KIRREL3: variants seen among roughly 807,000 people sequenced by gnomAD.
KIRREL3 encodes kin of IRRE-like protein 3.
Under a neutral mutation model 89.7 loss-of-function variants are expected in KIRREL3, and 36 were observed. That is an observed-to-expected ratio of 0.40 (90% CI 0.31 to 0.53). KIRREL3 has a LOEUF of 0.53. KIRREL3 is among the 20% of genes least tolerant of loss of function. The pLI, the probability that KIRREL3 is intolerant of heterozygous loss-of-function variation, is 0.49. For synonymous variants in KIRREL3, 445 were observed against 441.4 expected, an observed-to-expected ratio of 1.01 and a Z score of -0.10; for missense variants, 864 against 1,056.6, an observed-to-expected ratio of 0.82 and a Z score of 2.53.
intron 1 of KIRREL3, among the ~76,000 whole-genome samples, chr11:126,637,194 G>T (rs1279011599): frequency 6.6e-6 from 1 of 152,198 alleles, no homozygotes. Context: ...ATTTTTGGAG[G>T]TGGAGAATGG....
chr11:126,871,858 C>T (rs141523176), intron 1 of KIRREL3, among the ~76,000 whole-genome samples: 100 of 152,278 alleles, frequency 6.6e-4, no homozygotes, highest in Middle Eastern at 6.8e-3. Flanking sequence ...CACCAGTGAA[C>T]AAAGAAACCC....
chr11:126,446,148 C>CAA (rs56820180), intron 9 of KIRREL3, among the ~76,000 whole-genome samples: 13,721 of 83,018 alleles, frequency 0.17, 956 homozygotes, highest in Middle Eastern at 0.24. Context: ...AACTCCATCT[C>CAA]AAAAAAAAAA....
intron 4 of KIRREL3, among the ~76,000 whole-genome samples, chr11:126,483,164 G>C (rs1034421682): frequency 2.6e-5 from 4 of 152,204 alleles, no homozygotes; most frequent in Non-Finnish European, 5.9e-5. Context: ...AACTCAAAGA[G>C]GAATGCAGGC....
In KIRREL3 at chr11:126,897,595, A is replaced by G. The variant is rs1447899160; in HGVS notation, c.55+102860T>C. On this transcript the variant is annotated intron_variant, in intron 1 of 16. Coordinates refer to ENST00000525144, the MANE Select transcript of KIRREL3 (RefSeq NM_032531.4). The surrounding 1 kb of genome is among the most constrained non-coding windows in gnomAD (Gnocchi z 4.2). ...TTTGTATATAGCAGACCATTAGGGT[A>G]TTTTTATTTCTCTTCTCTCCATGTT... Among the ~76,000 whole-genome samples the G allele has an allele frequency of 6.6e-6, 1 of 152,148 alleles. No individual in the cohort carries two copies. The highest frequency in any genetic ancestry group is 1.5e-5 in the Non-Finnish European group (1 of 68,020).
At chr11:126,592,498 T>C (rs1239588435) in intron 1 of KIRREL3, among the ~76,000 whole-genome samples, 5 of 152,202 alleles carry the variant, frequency 3.3e-5, no homozygotes, top group Non-Finnish European at 5.9e-5. Context: ...CTCTTTCTCC[T>C]ACACCCTGTA....
intron 4 of KIRREL3, among the ~76,000 whole-genome samples, chr11:126,511,363 C>G (rs1958214480): frequency 6.6e-6 from 1 of 152,050 alleles, no homozygotes; most frequent in South Asian, 2.1e-4. Flanking sequence ...AGTGGACCCC[C>G]CAGGCTGCCT....
At chr11:126,767,823 A>C (rs1949876704) in intron 1 of KIRREL3, among the ~76,000 whole-genome samples, 1 of 152,328 alleles carries the variant, frequency 6.6e-6, no homozygotes, top group South Asian at 2.1e-4. Flanking sequence ...TCGCTGCAAG[A>C]ATTTGTTAAT....
At chr11:126,626,936 G>A (rs895279226) in intron 1 of KIRREL3, among the ~76,000 whole-genome samples, 9 of 152,062 alleles carry the variant, frequency 5.9e-5, no homozygotes, top group Non-Finnish European at 1.2e-4. Flanking sequence ...TGAACCCAGT[G>A]GGGCGGAGGT....
chr11:126,784,325 T>C (rs1712212667), intron 1 of KIRREL3, among the ~76,000 whole-genome samples: 1 of 152,240 alleles, frequency 6.6e-6, no homozygotes, highest in Non-Finnish European at 1.5e-5. Context: ...GTGGGGTATA[T>C]GGGAACCCTC....
At chr11:126,688,487 G>C (rs1433423101) in intron 1 of KIRREL3, among the ~76,000 whole-genome samples, 1 of 151,930 alleles carries the variant, frequency 6.6e-6, no homozygotes, top group Non-Finnish European at 1.5e-5. Context: ...TTTTTTTCTA[G>C]GAGCTAAACG....
chr11:126,593,271 A>G (rs1456054160), intron 1 of KIRREL3, among the ~76,000 whole-genome samples: 1 of 152,216 alleles, frequency 6.6e-6, no homozygotes. Context: ...GCGCTCAGCC[A>G]TTGTTAACTG....
chr11:126,754,181 G>C lies in KIRREL3; in HGVS notation c.56-191269C>G, dbSNP rs1406188875. Among the ~76,000 whole-genome samples, 1 of 152,158 alleles carries C rather than the reference G, an allele frequency of 6.6e-6. No individual in the cohort carries two copies. The highest frequency in any genetic ancestry group is 2.4e-5 in the African/African-American group (1 of 41,440). ...ACTGTAGAATAATCCCCAAGGGAGA[G>C]CATATTTCATTTGCAATGTCTTTTG... On this transcript the variant is annotated intron_variant, in intron 1 of 16. Coordinates refer to ENST00000525144, the MANE Select transcript of KIRREL3 (RefSeq NM_032531.4). This position sits in a 1 kb window ranked among gnomAD's most constrained non-coding sequence, Gnocchi z 5.1.
chr11:126,743,706 C>A (rs1949051727), intron 1 of KIRREL3, among the ~76,000 whole-genome samples: 1 of 152,152 alleles, frequency 6.6e-6, no homozygotes, highest in Non-Finnish European at 1.5e-5. Context: ...GATCTCATCT[C>A]TAATATGGGG....
chr11:126,982,257 T>C (rs141029732), intron 1 of KIRREL3, among the ~76,000 whole-genome samples: 4 of 152,298 alleles, frequency 2.6e-5, no homozygotes, highest in Non-Finnish European at 4.4e-5. Context: ...CTTGTTAAGG[T>C]AGAGCTGTCA....
At chr11:126,435,576 A>C (rs756633050) in intron 12 of KIRREL3, among the ~76,000 whole-genome samples, 8 of 136,318 alleles carry the variant, frequency 5.9e-5, no homozygotes, top group African/African-American at 2.2e-4. Context: ...GGGCATGGGG[A>C]TGGGGGCACC....
Position 126,477,583 on chromosome 11 carries a change from C to G in KIRREL3, c.434-4117G>C, listed in dbSNP as rs1957101615. Among the ~76,000 whole-genome samples, 1 of 152,214 alleles carries G rather than the reference C, an allele frequency of 6.6e-6. No homozygotes were observed. The highest frequency in any genetic ancestry group is 2.4e-5 in the African/African-American group (1 of 41,454). On this transcript the variant is annotated intron_variant, in intron 4 of 16. Coordinates refer to ENST00000525144, the MANE Select transcript of KIRREL3 (RefSeq NM_032531.4). The surrounding 1 kb of genome is among the most constrained non-coding windows in gnomAD (Gnocchi z 4.8). ...GTAAAGCTTTCATCTATTTCACGCA[C>G]TAAGGTTCTCTCTAACCTCTATACT...
intron 1 of KIRREL3, among the ~76,000 whole-genome samples, chr11:126,767,549 C>T (rs970766572): frequency 1.3e-5 from 2 of 152,204 alleles, no homozygotes; most frequent in African/African-American, 4.8e-5. Flanking sequence ...ATGATATACA[C>T]TGTGTATAAC....
In KIRREL3 at chr11:126,786,179, A is replaced by G. The variant is rs145537736; in HGVS notation, c.55+214276T>C. ...TAGAATGATCATTTATGAGAATTAC[A>G]TAATATGAAAATTGCATATGATAAC... On this transcript the variant is annotated intron_variant, in intron 1 of 16. Coordinates refer to ENST00000525144, the MANE Select transcript of KIRREL3 (RefSeq NM_032531.4). Among the ~76,000 whole-genome samples the G allele has an allele frequency of 6.6e-3, 998 of 152,350 alleles. 9 individuals are homozygous for G. The highest frequency in any genetic ancestry group is 0.023 in the African/African-American group (957 of 41,592).
Position 126,562,857 on chromosome 11 carries a change from G to A in KIRREL3, c.111C>T (p.Asp37=), listed in dbSNP as rs1423917485. 6.2e-7 allele frequency: 1 copy of A among 1,613,642 alleles called. No individual in the cohort carries two copies. Among genetic ancestry groups the A allele is most frequent in the Non-Finnish European group, 8.5e-7 (1 of 1,179,800 alleles). Residue 37 remains aspartate (D), a synonymous_variant, in exon 2 of 17, where the codon GAC becomes GAT. Coordinates refer to ENST00000525144, the MANE Select transcript of KIRREL3 (RefSeq NM_032531.4). The surrounding 1 kb of genome is among the most constrained non-coding windows in gnomAD (Gnocchi z 4.7). Reference sequence around the variant, plus strand: ...GACCTTCATTCATTCTCCGAAACTTGTCCTTGGCCATGTAGCCCAGCACCA... The same window carrying A: ...GACCTTCATTCATTCTCCGAAACTTATCCTTGGCCATGTAGCCCAGCACCA... The part of the protein sequence containing the change: ...CCLVLGYMAK[D]KFRRMNEGQV...
Sources: allele counts gnomAD v4.1 joint callset (sites outside exome capture counted in the v4.1 genomes callset), GRCh38; gene constraint gnomAD v4.1.1; non-coding constraint Gnocchi (gnomAD v3.1); transcripts MANE v1.5; gene names NCBI Gene and HGNC (gene_info 2026-07-23, HGNC 2026-07-21).